Variants in MTR observed in about 807,000 individuals in gnomAD.
The protein encoded by MTR is 5-methyltetrahydrofolate-homocysteine methyltransferase.
In MTR, 84 loss-of-function variants were observed where a neutral mutation model predicts 154.8. That is an observed-to-expected ratio of 0.54 (90% confidence interval 0.45 to 0.65). MTR has a LOEUF of 0.65. Among genes scored for constraint, MTR ranks in the 30% least tolerant of loss-of-function variants. The pLI, the probability that MTR is intolerant of heterozygous loss-of-function variation, is 0.00. For missense variants in MTR, 1,275 were observed against 1,570.2 expected (o/e 0.81, Z 3.18); for synonymous variants, 554 against 553.9 (o/e 1.00, Z 0.00).
chr1:236,802,442 G>A lies in MTR; in HGVS notation c.35-986G>A, dbSNP rs146064556. Among the ~76,000 whole-genome samples the A allele has an allele frequency of 6.4e-3, 975 of 152,174 alleles. 9 individuals carry two copies. The highest frequency in any genetic ancestry group is 0.013 in the South Asian group (65 of 4,820). ...AGCCATGTCAGAAGGATAAGAAATC[G>A]GTGGTTGCTGAGGTGGAACTGTGGG... On this transcript the variant is annotated intron_variant, in intron 1 of 32. Coordinates refer to ENST00000366577, the MANE Select transcript of MTR (RefSeq NM_000254.3).
At chr1:236,808,444 C>T (rs55782475) in intron 3 of MTR, among the ~76,000 whole-genome samples, 1 of 152,212 alleles carries the variant, frequency 6.6e-6, no homozygotes, top group South Asian at 2.1e-4. Context: ...TGCTAGATGT[C>T]TAGGGATTGC....
intron 30 of MTR, chr1:236,895,035 G>C (rs922511663): frequency 7.3e-6 from 3 of 409,844 alleles, no homozygotes; most frequent in East Asian, 5.4e-5. Flanking sequence ...ACTAGCAGCT[G>C]TATGGTCCCA....
At chr1:236,884,418 A>G (rs895368841) in intron 25 of MTR, among the ~76,000 whole-genome samples, 4 of 152,348 alleles carry the variant, frequency 2.6e-5, no homozygotes, top group South Asian at 4.1e-4. Flanking sequence ...TTCAGGTTCA[A>G]AGTTTCACTA....
At chr1:236,843,124 C>T (rs888588347) in intron 15 of MTR, among the ~76,000 whole-genome samples, 6 of 150,478 alleles carry the variant, frequency 4.0e-5, no homozygotes, top group Admixed American at 6.6e-5. Context: ...TATATACACA[C>T]GTTGAATGGT....
At chr1:236,801,467 T>C (rs919009298) in intron 1 of MTR, among the ~76,000 whole-genome samples, 1 of 152,236 alleles carries the variant, frequency 6.6e-6, no homozygotes, top group African/African-American at 2.4e-5. Context: ...CCAGTTCTCA[T>C]ATTGTATACT....
intron 24 of MTR, among the ~76,000 whole-genome samples, chr1:236,876,942 G>A (rs1665467947): frequency 6.6e-6 from 1 of 152,164 alleles, no homozygotes; most frequent in Admixed American, 6.5e-5. Flanking sequence ...GACCACCTAA[G>A]GTTTCTTTCA....
In MTR at chr1:236,898,770, T is replaced by G. The variant is rs1445723002; in HGVS notation, c.*1126T>G. 1 of 152,084 alleles carries G rather than the reference T, an allele frequency of 6.6e-6. No homozygotes were observed. The highest frequency in any genetic ancestry group is 2.4e-5 in the African/African-American group (1 of 41,396). 9.4% of individuals were successfully genotyped at this position (152,084 alleles called of 1,614,324 possible). ...GCAGGTTCTCAGCTGGGCTCTGATATCCCGTGCGGAGTTGGACAAGTGGGC... is the reference window on the plus strand; with the variant it reads ...GCAGGTTCTCAGCTGGGCTCTGATAGCCCGTGCGGAGTTGGACAAGTGGGC... On this transcript the variant is annotated 3_prime_UTR_variant, in exon 33 of 33. Coordinates refer to ENST00000366577, the MANE Select transcript of MTR (RefSeq NM_000254.3).
rs540562555 is a variant in MTR at position 236,901,903 on chromosome 1, A to T, written c.*4259A>T. The T allele has an allele frequency of 6.6e-6, 1 of 152,262 alleles. No individual in the cohort carries two copies. Among genetic ancestry groups the T allele is most frequent in the Non-Finnish European group, 1.5e-5 (1 of 68,056 alleles). The allele number at this position is 152,262 out of a possible 1,614,324, so 9.4% of individuals were successfully genotyped here. ...CACTTTTCTTTTTCTCAACCTTCAC[A>T]TCCAGTTGGTTCTCAAGCCCTGGCG... On this transcript the variant is annotated 3_prime_UTR_variant, in exon 33 of 33. Coordinates refer to ENST00000366577, the MANE Select transcript of MTR (RefSeq NM_000254.3).
In MTR at chr1:236,897,641, CT is replaced by C; in HGVS notation, c.3796del (p.Ter1266AsnfsTer20). 6.3e-7 allele frequency: 1 copy of C among 1,597,814 alleles called. No individual in the cohort carries two copies. ...GACCCATTTTGGGATATGATACAGA[CT>C]AACTTTTTTTTTTTTTTTGCCTTTT... ...LGPILGYDTD[*>X] On this transcript the variant is annotated frameshift_variant and stop_lost, in exon 33 of 33. Coordinates refer to ENST00000366577, the MANE Select transcript of MTR (RefSeq NM_000254.3). LOFTEE classifies it high-confidence loss of function.
chr1:236,884,246 G>A (rs1665902110), intron 25 of MTR, among the ~76,000 whole-genome samples: 1 of 152,194 alleles, frequency 6.6e-6, no homozygotes, highest in Non-Finnish European at 1.5e-5. Flanking sequence ...GGGCATGAAG[G>A]TAGTGAATGT....
Position 236,885,158 on chromosome 1 carries a change from A to G in MTR, c.2714A>G (p.Tyr905Cys). The G allele has an allele frequency of 1.2e-6, 2 of 1,610,326 alleles. No homozygotes were observed. The highest frequency in any genetic ancestry group is 1.7e-6 in the Non-Finnish European group (2 of 1,176,532). The change falls in exon 26 of 33, where the codon TAC becomes TGC. Residue 905 changes from tyrosine (Y) to cysteine (C), a missense_variant. Physicochemically the swap from Tyr to Cys is radical, Grantham distance 194 (BLOSUM62 -2). Coordinates refer to ENST00000366577, the MANE Select transcript of MTR (RefSeq NM_000254.3). ...QLLDENLKDE[Y>C]FEEIMEEYED... ...TTAGATGAAAATCTAAAGGATGAAT[A>G]CTTTGAGGAAATCATGGAAGAATAT...
intron 5 of MTR, among the ~76,000 whole-genome samples, chr1:236,812,425 G>GAT (rs1440750246): frequency 2.0e-5 from 3 of 152,228 alleles, no homozygotes; most frequent in South Asian, 2.1e-4. Context: ...TGGAAAGAAT[G>GAT]ATATGTTTCA....
chr1:236,808,705 C>G lies in MTR; in HGVS notation c.341C>G (p.Ala114Gly). The G allele has an allele frequency of 6.2e-7, 1 of 1,614,104 alleles. No individual in the cohort carries two copies. Among genetic ancestry groups the G allele is most frequent in the Non-Finnish European group, 8.5e-7 (1 of 1,179,976 alleles). ...TAACGTTTGTGGTTGATACGTTAGG[C>G]CTACCGGATGAACATGTGCTCTGCA... ...AQADYGLEHL[A>G]YRMNMCSAGV... The change falls in exon 4 of 33, where the codon GCC becomes GGC. Residue 114 changes from alanine (A) to glycine (G), a missense_variant and splice_region_variant. Physicochemically the swap from Ala to Gly is moderately conservative, Grantham distance 60 (BLOSUM62 0). Transcript: ENST00000366577.
intron 8 of MTR, among the ~76,000 whole-genome samples, chr1:236,821,998 A>T (rs191004170): frequency 8.3e-4 from 126 of 152,184 alleles, no homozygotes; most frequent in African/African-American, 2.6e-3. Flanking sequence ...TCAGTCCTTC[A>T]ACTTTTGTTT....
chr1:236,814,554 T>G (rs1661482058), intron 6 of MTR, among the ~76,000 whole-genome samples: 1 of 152,232 alleles, frequency 6.6e-6, no homozygotes, highest in Non-Finnish European at 1.5e-5. Flanking sequence ...AAGTTTAGTT[T>G]TCCTACCACC....
In MTR at chr1:236,809,738, G is replaced by C. The variant is rs187963909; in HGVS notation, c.410-765G>C. Among the ~76,000 whole-genome samples the C allele has an allele frequency of 2.0e-5, 3 of 152,302 alleles. No homozygotes were observed. In the East Asian group the frequency reaches 5.8e-4, roughly 29 times the overall value. On this transcript the variant is annotated intron_variant, in intron 4 of 32. Coordinates refer to ENST00000366577, the MANE Select transcript of MTR (RefSeq NM_000254.3). ...ATCAATTAGCTGATAGTCCTCTCCA[G>C]TTAAATTACAAAGCATAGCCCAGGT...
intron 31 of MTR, among the ~76,000 whole-genome samples, chr1:236,896,224 A>C (rs983189884): frequency 6.6e-6 from 1 of 152,170 alleles, no homozygotes; most frequent in Non-Finnish European, 1.5e-5. Flanking sequence ...TGGTTCTGTC[A>C]TTACTGCAGA....
chr1:236,809,528 C>T lies in MTR; in HGVS notation c.409+755C>T, dbSNP rs192843499. On this transcript the variant is annotated intron_variant, in intron 4 of 32. Coordinates refer to ENST00000366577, the MANE Select transcript of MTR (RefSeq NM_000254.3). The stretch of plus-strand genomic sequence containing the variant: ...GAAGACCAAAGCAGGAACTCTGTTT[C>T]TAAGAGATAATGTTTAAATTCATGG... 2.7e-3 allele frequency among the ~76,000 whole-genome samples: 407 copies of T among 152,304 alleles called. 2 individuals are homozygous for T. The highest frequency in any genetic ancestry group is 9.1e-3 in the African/African-American group (380 of 41,558).
intron 13 of MTR, 144 bp downstream of exon 13, chr1:236,832,222 G>A: frequency 1.3e-6 from 1 of 759,772 alleles, no homozygotes; most frequent in South Asian, 1.5e-5. Flanking sequence ...GTTTGCAGCA[G>A]ACTGGGCTGG....
Sources: allele counts gnomAD v4.1 joint callset (sites outside exome capture counted in the v4.1 genomes callset), GRCh38; gene constraint gnomAD v4.1.1; transcripts MANE v1.5; gene names NCBI Gene and HGNC (gene_info 2026-07-23, HGNC 2026-07-21).